The following ATP8A2 variants were observed in gnomAD, a reference collection of about 807,000 sequenced individuals.
ATP8A2 encodes phospholipid-transporting ATPase IB.
Under a neutral mutation model 165.6 loss-of-function variants are expected in ATP8A2, and 100 were observed. That is an observed-to-expected ratio of 0.60 (90% CI 0.51 to 0.71). ATP8A2 has a LOEUF of 0.71. ATP8A2 is among the 30% of genes least tolerant of loss of function. ATP8A2 has a pLI of 0.00. For synonymous variants in ATP8A2, 543 were observed against 548.8 expected, an observed-to-expected ratio of 0.99 and a Z score of 0.15; for missense variants, 1,227 against 1,479.5, an observed-to-expected ratio of 0.83 and a Z score of 2.80.
intron 2 of ATP8A2, among the ~76,000 whole-genome samples, chr13:25,471,426 C>G (rs1023382895): frequency 6.6e-6 from 1 of 151,086 alleles, no homozygotes; most frequent in Non-Finnish European, 1.5e-5. Flanking sequence ...TCTTGGCTCA[C>G]TGCAACCTCC....
chr13:25,937,971 T>G (rs1954962073), intron 33 of ATP8A2, among the ~76,000 whole-genome samples: 1 of 151,488 alleles, frequency 6.6e-6, no homozygotes, highest in Non-Finnish European at 1.5e-5. Context: ...GAAAATGCTA[T>G]AAACGTGGGA....
chr13:25,465,719 CT>C (rs1220700622), intron 1 of ATP8A2, among the ~76,000 whole-genome samples: 1 of 40,246 alleles, frequency 2.5e-5, no homozygotes, highest in Non-Finnish European at 5.0e-5. Flanking sequence ...TTCTTTCTTT[CT>C]TTCTTTCTTT....
At position 25,372,760 on chromosome 13, in the gene ATP8A2, TC is replaced by T. The variant is rs1453169205; in HGVS notation, c.76+473del. On this transcript the variant is annotated intron_variant, in intron 1 of 36. Coordinates refer to ENST00000381655, the MANE Select transcript of ATP8A2 (RefSeq NM_016529.6). This position sits in a 1 kb window ranked among gnomAD's most constrained non-coding sequence, Gnocchi z 4.8. Reference sequence around the variant, plus strand: ...GGGAAAAAGGCATCCGAAGGGTCCCTCGAGTGATTCTCACCACTTGGAGCCC... The same window carrying T: ...GGGAAAAAGGCATCCGAAGGGTCCCTGAGTGATTCTCACCACTTGGAGCCC... Among the ~76,000 whole-genome samples the T allele has an allele frequency of 1.3e-5, 2 of 152,192 alleles. No individual in the cohort carries two copies. The highest frequency in any genetic ancestry group is 4.8e-5 in the African/African-American group (2 of 41,448).
intron 33 of ATP8A2, among the ~76,000 whole-genome samples, chr13:25,891,109 A>G (rs1347463738): frequency 6.6e-6 from 1 of 152,234 alleles, no homozygotes; most frequent in African/African-American, 2.4e-5. Flanking sequence ...AAAGTTGAAA[A>G]TGCAAGCTAC....
At chr13:25,416,147 C>T (rs1361680519) in intron 1 of ATP8A2, among the ~76,000 whole-genome samples, 1 of 152,164 alleles carries the variant, frequency 6.6e-6, no homozygotes, top group Non-Finnish European at 1.5e-5. Flanking sequence ...TTGTTGAATA[C>T]GTTATACATT....
intron 27 of ATP8A2, among the ~76,000 whole-genome samples, chr13:25,824,184 C>G (rs191451421): frequency 6.6e-6 from 1 of 152,278 alleles, no homozygotes; most frequent in African/African-American, 2.4e-5. Flanking sequence ...TTGGACCAGG[C>G]TGGTCTCAAA....
intron 2 of ATP8A2, among the ~76,000 whole-genome samples, chr13:25,500,577 T>G (rs2036823543): frequency 6.6e-6 from 1 of 151,372 alleles, no homozygotes; most frequent in South Asian, 2.1e-4. Context: ...AGTGGTAACT[T>G]GAGGCCCAAT....
chr13:25,397,615 G>A (rs960851117), intron 1 of ATP8A2, among the ~76,000 whole-genome samples: 2 of 152,108 alleles, frequency 1.3e-5, no homozygotes, highest in African/African-American at 4.8e-5. Flanking sequence ...ATTATGCTTT[G>A]TTGAGGAAAA....
intron 26 of ATP8A2, among the ~76,000 whole-genome samples, chr13:25,769,663 T>C (rs2044576203): frequency 1.4e-5 from 2 of 145,828 alleles, no homozygotes; most frequent in Admixed American, 1.4e-4. Flanking sequence ...GGACACCCCC[T>C]GGCTAGGTGC....
Position 25,576,388 on chromosome 13 carries a change from C to A in ATP8A2, c.1713-681C>A, listed in dbSNP as rs80068655. Among the ~76,000 whole-genome samples the A allele has an allele frequency of 2.6e-5, 4 of 151,988 alleles. No homozygotes were observed. The East Asian group carries it at 5.8e-4, about 22-fold the overall frequency. ...TGTAGAAGAGGAGAATGGTGAGTCC[C>A]GTGTGTGCTCGAAGCCTGGTGGTGG... On this transcript the variant is annotated intron_variant, in intron 19 of 36. Transcript: ENST00000381655.
At chr13:25,376,755 T>C (rs536196295) in intron 1 of ATP8A2, among the ~76,000 whole-genome samples, 2 of 152,318 alleles carry the variant, frequency 1.3e-5, no homozygotes, top group East Asian at 3.9e-4. Flanking sequence ...GGCAAAACTT[T>C]TGTTATTATT....
rs1957156413 is a variant in ATP8A2, at chr13:26,025,719, A to G, written c.*5734A>G. 6.6e-6 allele frequency: 1 copy of G among 152,202 alleles called. No homozygotes were observed. Among genetic ancestry groups the G allele is most frequent in the Non-Finnish European group, 1.5e-5 (1 of 68,034 alleles). 9.4% of individuals were successfully genotyped at this position (152,202 alleles called of 1,614,324 possible). A position where few individuals can be genotyped will look rare whatever the true frequency, so the allele number is the denominator to read the frequency against. On this transcript the variant is annotated 3_prime_UTR_variant, in exon 37 of 37. Transcript: ENST00000381655. The stretch of plus-strand genomic sequence containing the variant: ...GTGCACTGGGTTCCCTCCTGGAGTG[A>G]ATACAAACGGAGGGCATCTACTTGT...
At chr13:25,872,323 C>T (rs1398200194) in intron 33 of ATP8A2, among the ~76,000 whole-genome samples, 2 of 152,070 alleles carry the variant, frequency 1.3e-5, no homozygotes, top group Non-Finnish European at 2.9e-5. Context: ...GGCTAGGACA[C>T]CCTGCAGAAG....
chr13:25,585,277 A>G (rs573475195), intron 23 of ATP8A2, among the ~76,000 whole-genome samples: 69 of 152,350 alleles, frequency 4.5e-4, no homozygotes, highest in African/African-American at 1.3e-3. Flanking sequence ...GCTGGTCTAA[A>G]GTGAAATTTC....
Position 25,677,442 on chromosome 13 carries a change from T to C in ATP8A2, c.2212-21731T>C, listed in dbSNP as rs1486006944. On this transcript the variant is annotated intron_variant, in intron 24 of 36. Transcript: ENST00000381655. ...CCATCTGTAGATATTGAATATAATTTACCAGAAGGGAGAATGCAGAAGGTA... is the reference window on the plus strand; with the variant it reads ...CCATCTGTAGATATTGAATATAATTCACCAGAAGGGAGAATGCAGAAGGTA... Among the ~76,000 whole-genome samples, 3 of 151,570 alleles carry C rather than the reference T, an allele frequency of 2.0e-5. No individual in the cohort carries two copies. The Admixed American group carries it at 2.0e-4, about 10-fold the overall frequency.
At chr13:25,667,515 G>A (rs1013051241) in intron 24 of ATP8A2, among the ~76,000 whole-genome samples, 17 of 152,092 alleles carry the variant, frequency 1.1e-4, no homozygotes, top group Admixed American at 7.2e-4. Context: ...GCACATATCT[G>A]TTTCCACTTT....
chr13:25,801,865 CCTT>C (rs1950629053), intron 27 of ATP8A2, among the ~76,000 whole-genome samples: 1 of 152,028 alleles, frequency 6.6e-6, no homozygotes, highest in Non-Finnish European at 1.5e-5. Context: ...GCATACATGT[CCTT>C]CTTCACATGG....
At chr13:25,689,141 ATTAAG>A (rs1040686734) in intron 24 of ATP8A2, among the ~76,000 whole-genome samples, 1 of 152,210 alleles carries the variant, frequency 6.6e-6, no homozygotes, top group African/African-American at 2.4e-5. Flanking sequence ...AAGTTAAATA[ATTAAG>A]TTGAGATTAC....
intron 27 of ATP8A2, among the ~76,000 whole-genome samples, chr13:25,789,720 A>G (rs1027421040): frequency 2.0e-5 from 3 of 152,264 alleles, no homozygotes; most frequent in Admixed American, 2.0e-4. Flanking sequence ...AGTACTAGAA[A>G]AAACTTTTAA....
Sources: allele counts gnomAD v4.1 joint callset (sites outside exome capture counted in the v4.1 genomes callset), GRCh38; gene constraint gnomAD v4.1.1; non-coding constraint Gnocchi (gnomAD v3.1); transcripts MANE v1.5; gene names NCBI Gene and HGNC (gene_info 2026-07-23, HGNC 2026-07-21).